RGS6: variants seen among roughly 807,000 people sequenced by gnomAD.
The protein encoded by RGS6 is regulator of G protein signaling 6.
A neutral mutation model predicts 78.5 loss-of-function variants in RGS6; 30 were observed. The observed-to-expected ratio is 0.38, with a 90% CI of 0.29 to 0.52. RGS6 has a LOEUF of 0.52. Ranked by LOEUF, RGS6 falls within the 20% of genes least tolerant of loss-of-function variation. The pLI, the probability that RGS6 is intolerant of heterozygous loss-of-function variation, is 0.85. For missense variants in RGS6, 495 were observed against 609.7 expected (o/e 0.81, Z 1.98); for synonymous variants, 206 against 206.0 (o/e 1.00, Z 0.00).
chr14:71,900,649 T>G, the RGS6 span, among the ~76,000 whole-genome samples: 1 of 152,174 alleles, frequency 6.6e-6, no homozygotes, highest in Non-Finnish European at 1.5e-5. Context: ...TTACGAATCT[T>G]TGGTTCCTTC....
At chr14:72,550,183 C>G (rs773726320) in intron 17 of RGS6, among the ~76,000 whole-genome samples, 4 of 152,170 alleles carry the variant, frequency 2.6e-5, no homozygotes, top group Non-Finnish European at 5.9e-5. Context: ...ACATGGCGAT[C>G]CCGGTAAAGT....
rs557436937 is a variant in RGS6 at position 72,189,914 on chromosome 14, G to A, written c.85-162181G>A. 2.6e-5 allele frequency among the ~76,000 whole-genome samples: 4 copies of A among 152,184 alleles called. No individual in the cohort carries two copies. The East Asian group carries it at 5.8e-4, about 22-fold the overall frequency. On this transcript the variant is annotated intron_variant, in intron 2 of 17. Transcript: ENST00000553525. ...ACGGCTACATGGGATATAGGGCCTC[G>A]TTCATAAAAACGCATACCCATACTT... is the stretch of plus-strand genomic sequence containing the variant.
intron 2 of RGS6, among the ~76,000 whole-genome samples, chr14:72,013,864 A>G (rs2086389907): frequency 6.6e-6 from 1 of 152,222 alleles, no homozygotes; most frequent in Non-Finnish European, 1.5e-5. Context: ...GCTGTTGCTC[A>G]AAGTGAATCC....
intron 17 of RGS6, among the ~76,000 whole-genome samples, chr14:72,544,139 C>T (rs539909432): frequency 1.3e-5 from 2 of 152,326 alleles, no homozygotes; most frequent in South Asian, 2.1e-4. Flanking sequence ...GGACCAGGAG[C>T]ATGCGTGGGA....
At chr14:72,624,844 A>G in the RGS6 span, among the ~76,000 whole-genome samples, 9 of 152,234 alleles carry the variant, frequency 5.9e-5, no homozygotes, top group African/African-American at 2.2e-4. Context: ...AGATCCACAT[A>G]TGCATACATT....
intron 2 of RGS6, among the ~76,000 whole-genome samples, chr14:72,012,042 G>A (rs1374733591): frequency 6.6e-6 from 1 of 151,884 alleles, no homozygotes; most frequent in African/African-American, 2.4e-5. Flanking sequence ...CAAATTTTTG[G>A]GTGGCTGGGA....
chr14:72,476,630 T>C (rs957653266), intron 10 of RGS6, 112 bp from the exon 11 acceptor site: 5 of 711,460 alleles, frequency 7.0e-6, no homozygotes, highest in Non-Finnish European at 9.7e-6. Context: ...GACCAATCTC[T>C]TATTGTCATG....
At chr14:72,160,530 T>C (rs2096838024) in intron 2 of RGS6, among the ~76,000 whole-genome samples, 1 of 152,228 alleles carries the variant, frequency 6.6e-6, no homozygotes, top group Non-Finnish European at 1.5e-5. Flanking sequence ...AATTCCTATG[T>C]TGAAGTCCTA....
At chr14:72,475,527 C>A (rs2096218213) in intron 10 of RGS6, among the ~76,000 whole-genome samples, 2 of 152,184 alleles carry the variant, frequency 1.3e-5, no homozygotes, top group South Asian at 4.1e-4. Flanking sequence ...GTCGGGAGTT[C>A]AAGACCAGCT....
chr14:72,615,373 GA>G, the RGS6 span, among the ~76,000 whole-genome samples: 2 of 152,136 alleles, frequency 1.3e-5, no homozygotes, highest in Non-Finnish European at 2.9e-5. Context: ...CACTTGCCCC[GA>G]AAGGAAAAGT....
chr14:72,496,631 T>C (rs2096648686), intron 13 of RGS6, among the ~76,000 whole-genome samples: 1 of 152,216 alleles, frequency 6.6e-6, no homozygotes, highest in Admixed American at 6.5e-5. Context: ...AGGATACAAA[T>C]ACATATTAAG....
chr14:72,554,268 C>G (rs1440739369), intron 17 of RGS6, among the ~76,000 whole-genome samples: 1 of 152,228 alleles, frequency 6.6e-6, no homozygotes, highest in Non-Finnish European at 1.5e-5. Flanking sequence ...TTTGGGTGAA[C>G]ACATTTGCAA....
At position 72,124,253 on chromosome 14, in the gene RGS6, CTG is replaced by C. The variant is rs542570340; in HGVS notation, c.84+159382_84+159383del. 1.4e-3 allele frequency among the ~76,000 whole-genome samples: 212 copies of C among 152,300 alleles called. 1 individual carries two copies. The highest frequency in any genetic ancestry group is 4.9e-3 in the African/African-American group (203 of 41,556). ...TTCGATATTAGTTATAAAAATGTCACTGTGTCTGCAGCTGCATTTTTCATTTT... is the reference window on the plus strand; with the variant it reads ...TTCGATATTAGTTATAAAAATGTCACTGTCTGCAGCTGCATTTTTCATTTT... On this transcript the variant is annotated intron_variant, in intron 2 of 17. Coordinates refer to ENST00000553525, the MANE Select transcript of RGS6 (RefSeq NM_001204424.2).
intron 2 of RGS6, among the ~76,000 whole-genome samples, chr14:72,116,865 G>A (rs2095899841): frequency 6.6e-6 from 1 of 150,666 alleles, no homozygotes; most frequent in African/African-American, 2.4e-5. Flanking sequence ...TTGGGAGGCT[G>A]AGGCAGGAGA....
intron 2 of RGS6, among the ~76,000 whole-genome samples, chr14:72,077,875 A>G (rs560059448): frequency 1.3e-5 from 2 of 152,204 alleles, no homozygotes; most frequent in Admixed American, 1.3e-4. Context: ...TATATCTTCT[A>G]ATTTAAGTTA....
At chr14:72,294,072 C>T (rs2064189014) in intron 2 of RGS6, among the ~76,000 whole-genome samples, 1 of 152,200 alleles carries the variant, frequency 6.6e-6, no homozygotes, top group Admixed American at 6.5e-5. Flanking sequence ...TGCTCTGCTT[C>T]TCCACGCCTT....
chr14:72,326,602 G>C (rs954955351), intron 2 of RGS6, among the ~76,000 whole-genome samples: 2 of 152,166 alleles, frequency 1.3e-5, no homozygotes, highest in African/African-American at 4.8e-5. Context: ...TAAGCTTCCT[G>C]AGGCCTCCCC....
At chr14:72,488,921 C>A (rs2096536129) in intron 12 of RGS6, among the ~76,000 whole-genome samples, 1 of 152,194 alleles carries the variant, frequency 6.6e-6, no homozygotes, top group South Asian at 2.1e-4. Context: ...TCATTGAAAT[C>A]TAAGGAAGCA....
intron 2 of RGS6, among the ~76,000 whole-genome samples, chr14:72,089,828 T>C (rs2095199958): frequency 6.6e-6 from 1 of 152,170 alleles, no homozygotes; most frequent in African/African-American, 2.4e-5. Flanking sequence ...CCTCACAGCT[T>C]AGCTTGGCTG....
Sources: gnomAD v4.1 joint callset for allele counts (sites outside exome capture counted in the v4.1 genomes callset) on GRCh38, gnomAD v4.1.1 for gene constraint, MANE v1.5 for transcripts, NCBI Gene and HGNC (gene_info 2026-07-23, HGNC 2026-07-21) for gene names.